The following PDE3A variants were observed in gnomAD, a reference collection of about 807,000 sequenced individuals.
PDE3A encodes phosphodiesterase 3A, also known as cGMP-inhibited 3',5'-cyclic phosphodiesterase 3A.
In PDE3A, 43 loss-of-function variants were observed where a neutral mutation model predicts 98.3. That is an observed-to-expected ratio of 0.44 (90% CI 0.34 to 0.56). The LOEUF (loss-of-function observed/expected upper bound fraction) is 0.56. Among genes scored for constraint, PDE3A ranks in the 20% least tolerant of loss-of-function variants. PDE3A has a pLI of 0.01. For missense variants in PDE3A, 1,427 were observed against 1,440.7 expected (o/e 0.99, Z 0.15); for synonymous variants, 663 against 567.9 (o/e 1.17, Z -2.38).
intron 1 of PDE3A, among the ~76,000 whole-genome samples, chr12:20,398,465 T>C (rs1944061146): frequency 6.6e-6 from 1 of 152,046 alleles, no homozygotes; most frequent in South Asian, 2.1e-4. Flanking sequence ...TGAAAATCTG[T>C]CTTGAGTTTC....
intron 1 of PDE3A, among the ~76,000 whole-genome samples, chr12:20,550,191 G>T (rs991608472): frequency 3.9e-5 from 6 of 152,034 alleles, no homozygotes; most frequent in Non-Finnish European, 8.8e-5. Flanking sequence ...ACCTCTTTTA[G>T]TTGTGATAGG....
chr12:20,445,542 G>A (rs1300656098), intron 1 of PDE3A, among the ~76,000 whole-genome samples: 1 of 152,070 alleles, frequency 6.6e-6, no homozygotes, highest in African/African-American at 2.4e-5. Context: ...TTAAAATATG[G>A]GTGGCAGTGT....
rs574754608 is a variant in PDE3A at position 20,571,814 on chromosome 12, A to G, written c.1011+15104A>G. 294 of 599,274 alleles carry G rather than the reference A, an allele frequency of 4.9e-4. 1 individual carries two copies. The highest frequency in any genetic ancestry group is 1.3e-3 in the South Asian group (19 of 14,158). 37.1% of individuals were successfully genotyped at this position (599,274 alleles called of 1,614,324 possible). A position where few individuals can be genotyped will look rare whatever the true frequency, so the allele number is the denominator to read the frequency against. On this transcript the variant is annotated intron_variant, in intron 2 of 15. Coordinates refer to ENST00000359062, the MANE Select transcript of PDE3A (RefSeq NM_000921.5). The stretch of plus-strand genomic sequence containing the variant: ...CATTTATCATAGAACTTAGAACACT[A>G]TGCAAAATTTCCCACTAGACTAAAG...
chr12:20,647,856 C>T (rs758712907), intron 12 of PDE3A, among the ~76,000 whole-genome samples: 5 of 151,820 alleles, frequency 3.3e-5, no homozygotes, highest in Non-Finnish European at 7.4e-5. Flanking sequence ...ATCCACTGGC[C>T]AGGATAATTT....
At chr12:20,589,959 G>A (rs1291284688) in intron 2 of PDE3A, among the ~76,000 whole-genome samples, 1 of 151,776 alleles carries the variant, frequency 6.6e-6, no homozygotes, top group Admixed American at 6.6e-5. Flanking sequence ...TACACTCACG[G>A]TCATAATAGG....
intron 1 of PDE3A, among the ~76,000 whole-genome samples, chr12:20,436,520 G>A (rs1944781519): frequency 6.6e-6 from 1 of 152,142 alleles, no homozygotes; most frequent in African/African-American, 2.4e-5. Context: ...ATGACTGACA[G>A]TTATAGTGTC....
At chr12:20,551,569 CG>C (rs372609232) in intron 1 of PDE3A, 1 of 1,508,666 alleles carries the variant, frequency 6.6e-7, no homozygotes, top group African/African-American at 1.4e-5. Context: ...GACCCCCGAG[CG>C]GGTCTGCGCC....
chr12:20,377,596 C>A (rs1238284547), intron 1 of PDE3A, among the ~76,000 whole-genome samples: 1 of 151,622 alleles, frequency 6.6e-6, no homozygotes, highest in Non-Finnish European at 1.5e-5. Context: ...AATGAAAAGT[C>A]TTTGTAGATT....
At chr12:20,547,320 A>G (rs4598713) in intron 1 of PDE3A, among the ~76,000 whole-genome samples, 71,744 of 151,978 alleles carry the variant, frequency 0.47, 18,507 homozygotes, top group South Asian at 0.59. Context: ...TTCTGTGTTT[A>G]TCTTCTTCCT....
chr12:20,615,613 T>A (rs1253560185), intron 3 of PDE3A, among the ~76,000 whole-genome samples: 1 of 152,112 alleles, frequency 6.6e-6, no homozygotes, highest in African/African-American at 2.4e-5. Context: ...GGTGTGTAAA[T>A]CCTGTTGAAT....
chr12:20,588,005 T>TAAA (rs1445952737), intron 2 of PDE3A, among the ~76,000 whole-genome samples: 1 of 152,158 alleles, frequency 6.6e-6, no homozygotes, highest in African/African-American at 2.4e-5. Flanking sequence ...ATGAGGCAGA[T>TAAA]AAAAAATAGA....
intron 15 of PDE3A, among the ~76,000 whole-genome samples, chr12:20,678,246 C>A (rs1945688676): frequency 6.6e-6 from 1 of 152,196 alleles, no homozygotes; most frequent in Non-Finnish European, 1.5e-5. Flanking sequence ...TCTCTAGGCT[C>A]ATAGATGATG....
At chr12:20,579,183 A>C (rs937632673) in intron 2 of PDE3A, among the ~76,000 whole-genome samples, 2 of 152,186 alleles carry the variant, frequency 1.3e-5, no homozygotes, top group African/African-American at 4.8e-5. Flanking sequence ...CCAACTGAAA[A>C]GATATATTGA....
chr12:20,417,028 G>A (rs940265571), intron 1 of PDE3A, among the ~76,000 whole-genome samples: 7 of 152,028 alleles, frequency 4.6e-5, no homozygotes, highest in African/African-American at 1.4e-4. Context: ...TGATGGTTGG[G>A]AACTTTAACC....
chr12:20,561,067 C>CTGAGGT (rs1942505305), intron 2 of PDE3A, among the ~76,000 whole-genome samples: 1 of 151,894 alleles, frequency 6.6e-6, no homozygotes, highest in Non-Finnish European at 1.5e-5. Flanking sequence ...TTGAGACCAG[C>CTGAGGT]CTGACCAAGA....
chr12:20,490,359 A>G (rs1220132659), intron 1 of PDE3A, among the ~76,000 whole-genome samples: 1 of 152,200 alleles, frequency 6.6e-6, no homozygotes, highest in Non-Finnish European at 1.5e-5. Context: ...ATACATTCCA[A>G]AGTGTCTAGT....
intron 1 of PDE3A, among the ~76,000 whole-genome samples, chr12:20,452,575 G>A (rs919859765): frequency 6.6e-6 from 1 of 152,170 alleles, no homozygotes; most frequent in Non-Finnish European, 1.5e-5. Flanking sequence ...TGTAGTTACC[G>A]CAGGACTTGA....
chr12:20,479,211 TAG>T (rs1291942358), intron 1 of PDE3A, among the ~76,000 whole-genome samples: 1 of 152,228 alleles, frequency 6.6e-6, no homozygotes, highest in Non-Finnish European at 1.5e-5. Flanking sequence ...AAAAGGTTAA[TAG>T]ACATTGAAAA....
chr12:20,602,340 T>C (rs1943611702), intron 2 of PDE3A, among the ~76,000 whole-genome samples: 1 of 152,232 alleles, frequency 6.6e-6, no homozygotes, highest in Admixed American at 6.5e-5. Flanking sequence ...TGAATAAGTA[T>C]GTTCCATTTC....
Sources: gnomAD v4.1 joint callset for allele counts (sites outside exome capture counted in the v4.1 genomes callset) on GRCh38, gnomAD v4.1.1 for gene constraint, MANE v1.5 for transcripts, NCBI Gene and HGNC (gene_info 2026-07-23, HGNC 2026-07-21) for gene names.